PRKRA: variants seen among roughly 807,000 people sequenced by gnomAD.
PRKRA encodes the protein interferon-inducible double-stranded RNA-dependent protein kinase activator A.
Under a neutral mutation model 32.4 loss-of-function variants are expected in PRKRA, and 22 were observed. The observed-to-expected ratio is 0.68, with a 90% CI of 0.49 to 0.97. The LOEUF is 0.97. PRKRA is among the 50% of genes least tolerant of loss of function. The probability of loss-of-function intolerance (pLI) is 0.00; values close to 1 mark genes in which losing one functional copy is unlikely to be tolerated. For missense variants in PRKRA, 319 were observed against 375.6 expected (o/e 0.85, Z 1.25); for synonymous variants, 139 against 129.8 (o/e 1.07, Z -0.48).
At chr2:178,436,394 T>C in intron 6 of PRKRA, 75 bp from the exon 7 acceptor site, 1 of 976,194 alleles carries the variant, frequency 1.0e-6, no homozygotes, top group Non-Finnish European at 1.4e-6. Flanking sequence ...TCATTAAAAG[T>C]ACTTATTAAG....
chr2:178,450,085 A>C (rs766696583), intron 2 of PRKRA, 157 bp downstream of exon 2: 110 of 932,958 alleles, frequency 1.2e-4, no homozygotes, highest in Non-Finnish European at 1.7e-4. Context: ...AATCAGATGC[A>C]GCTGAAAAGC....
At chr2:178,447,107 C>G (rs1261203067) in intron 3 of PRKRA, among the ~76,000 whole-genome samples, 2 of 151,672 alleles carry the variant, frequency 1.3e-5, no homozygotes, top group African/African-American at 2.4e-5. Flanking sequence ...AAAACCTCTG[C>G]CTGCTTCTTC....
At chr2:178,443,472 GTA>G in intron 4 of PRKRA, 88 bp from the exon 5 acceptor site, 1 of 632,040 alleles carries the variant, frequency 1.6e-6, no homozygotes, top group East Asian at 4.9e-5. Context: ...CCATTTCTAT[GTA>G]TATGTTTGAA....
At chr2:178,450,462 G>A in intron 1 of PRKRA, 51 bp from the exon 2 acceptor site, 2 of 1,310,622 alleles carry the variant, frequency 1.5e-6, no homozygotes, top group South Asian at 1.4e-5. Flanking sequence ...GGAGATTGAA[G>A]CAGAAGCGTA....
At chr2:178,441,210 G>A (rs919058872) in intron 6 of PRKRA, among the ~76,000 whole-genome samples, 1 of 152,168 alleles carries the variant, frequency 6.6e-6, no homozygotes, top group Non-Finnish European at 1.5e-5. Context: ...ACTCCTTAGA[G>A]GCAGGGACTG....
chr2:178,450,427 A>C lies in PRKRA; in HGVS notation c.66-16T>G, dbSNP rs535247514. 1.2e-6 allele frequency: 1 copy of C among 827,930 alleles called. No homozygotes were observed. Among genetic ancestry groups the C allele is most frequent in the East Asian group, 5.3e-5 (1 of 18,882 alleles). 51.3% of individuals were successfully genotyped at this position (827,930 alleles called of 1,614,324 possible). A position where few individuals can be genotyped will look rare whatever the true frequency, so the allele number is the denominator to read the frequency against. Reference sequence around the variant, plus strand: ...CTTCCCCAAACTGCAAAAACCACAAAAAGGTGTGCTTTGCATGCCAAATTG... The same window carrying C: ...CTTCCCCAAACTGCAAAAACCACAACAAGGTGTGCTTTGCATGCCAAATTG... On this transcript the variant is annotated splice_polypyrimidine_tract_variant and intron_variant, in intron 1 of 7. Coordinates refer to ENST00000325748, the MANE Select transcript of PRKRA (RefSeq NM_003690.5).
chr2:178,444,724 A>G (rs1032627528), intron 3 of PRKRA, among the ~76,000 whole-genome samples: 3 of 152,138 alleles, frequency 2.0e-5, no homozygotes, highest in Non-Finnish European at 4.4e-5. Context: ...CCAGTGGTTT[A>G]TAATCTCTCC....
intron 1 of PRKRA, 170 bp downstream of exon 1, chr2:178,450,796 C>T: frequency 7.5e-7 from 1 of 1,338,632 alleles, no homozygotes; most frequent in Non-Finnish European, 9.5e-7. Context: ...GGCCCGGCCG[C>T]AGACCCCAAC....
intron 6 of PRKRA, among the ~76,000 whole-genome samples, chr2:178,440,601 CAT>C (rs2154124990): frequency 6.6e-6 from 1 of 152,334 alleles, no homozygotes; most frequent in East Asian, 1.9e-4. Context: ...TTGCTTCCCA[CAT>C]CCAATCAATT....
chr2:178,433,341 A>G (rs1440313609), intron 7 of PRKRA: 1 of 152,230 alleles, frequency 6.6e-6, no homozygotes, highest in African/African-American at 2.4e-5. Context: ...CTGTGTGTAT[A>G]GGCATTTGTT....
At chr2:178,433,893 C>T (rs1030110350) in intron 7 of PRKRA, 1 of 152,216 alleles carries the variant, frequency 6.6e-6, no homozygotes, top group Admixed American at 6.5e-5. Context: ...TCCATATCTA[C>T]AAGAACTATT....
chr2:178,436,587 T>G (rs1696907018), intron 6 of PRKRA, among the ~76,000 whole-genome samples: 1 of 152,142 alleles, frequency 6.6e-6, no homozygotes, highest in Non-Finnish European at 1.5e-5. Flanking sequence ...CTCAGTCAAG[T>G]TTTCTGATGG....
At chr2:178,442,863 CATGT>C (rs1697168958) in intron 5 of PRKRA, among the ~76,000 whole-genome samples, 1 of 152,066 alleles carries the variant, frequency 6.6e-6, no homozygotes, top group Non-Finnish European at 1.5e-5. Context: ...AATTATTTGC[CATGT>C]AGTCTCTTAT....
intron 2 of PRKRA, among the ~76,000 whole-genome samples, chr2:178,448,792 A>G (rs1287423302): frequency 1.3e-5 from 2 of 152,254 alleles, no homozygotes; most frequent in Non-Finnish European, 2.9e-5. Flanking sequence ...ATAGAGTTTA[A>G]TAACAGACTG....
intron 1 of PRKRA, 145 bp downstream of exon 1, chr2:178,450,821 G>C (rs1001008706): frequency 7.4e-7 from 1 of 1,358,524 alleles, no homozygotes; most frequent in Non-Finnish European, 9.4e-7. Context: ...GCCGCCGAGA[G>C]GGCGGGGCCG....
chr2:178,451,130 C>A lies in PRKRA; in HGVS notation c.-100G>T. On this transcript the variant is annotated 5_prime_UTR_variant, in exon 1 of 8. Transcript: ENST00000325748. ...CCCGGGAGGAGCTCCAGCGCCGCCA[C>A]CTCCTCCGACTCCCCCGCCTCCTGC... is the stretch of plus-strand genomic sequence containing the variant. 6 of 1,347,928 alleles carry A rather than the reference C, an allele frequency of 4.5e-6. No individual in the cohort carries two copies. In the Admixed American group the frequency reaches 6.6e-5, roughly 15 times the overall value. 83.5% of individuals were successfully genotyped at this position (1,347,928 alleles called of 1,614,324 possible).
chr2:178,446,055 C>T (rs150290481), intron 3 of PRKRA, among the ~76,000 whole-genome samples: 1 of 150,424 alleles, frequency 6.6e-6, no homozygotes, highest in African/African-American at 2.5e-5. Context: ...GGCAGGGTTT[C>T]ACAGGCTGGA....
At chr2:178,433,396 G>T (rs751359186) in intron 7 of PRKRA, 1 of 152,080 alleles carries the variant, frequency 6.6e-6, no homozygotes, top group Non-Finnish European at 1.5e-5. Context: ...GGAGTTGCTG[G>T]GTCATATGGC....
At chr2:178,450,037 G>A in intron 2 of PRKRA, 2 of 695,710 alleles carry the variant, frequency 2.9e-6, no homozygotes, top group South Asian at 1.8e-5. Context: ...TAGTTTCTAA[G>A]CTTCCTTGGT....
Sources: gnomAD v4.1 joint callset for allele counts (sites outside exome capture counted in the v4.1 genomes callset) on GRCh38, gnomAD v4.1.1 for gene constraint, MANE v1.5 for transcripts, NCBI Gene and HGNC (gene_info 2026-07-23, HGNC 2026-07-21) for gene names.